Variants in TGM2 observed in about 807,000 individuals in gnomAD.
TGM2 encodes transglutaminase 2, also known as protein-glutamine gamma-glutamyltransferase 2.
Under a neutral mutation model 75.6 loss-of-function variants are expected in TGM2, and 53 were observed. The ratio of observed to expected loss-of-function variants is 0.70; its 90% CI spans 0.56 to 0.88. The LOEUF (loss-of-function observed/expected upper bound fraction) is 0.88, where lower values mean the gene tolerates loss of function less well. TGM2 is among the 40% of genes least tolerant of loss of function. The pLI, the probability that TGM2 is intolerant of heterozygous loss-of-function variation, is 0.00. For synonymous variants in TGM2, 374 were observed against 381.1 expected, an observed-to-expected ratio of 0.98 and a Z score of 0.22; for missense variants, 842 against 928.5, an observed-to-expected ratio of 0.91 and a Z score of 1.21.
chr20:38,151,711 G>A (rs2268909), intron 3 of TGM2, among the ~76,000 whole-genome samples: 36,332 of 152,110 alleles, frequency 0.24, 6,054 homozygotes, highest in African/African-American at 0.45. Context: ...AGTTACAGAG[G>A]GCTCCCTGGA....
intron 2 of TGM2, among the ~76,000 whole-genome samples, chr20:38,157,562 T>C (rs2075203324): frequency 1.3e-5 from 2 of 152,264 alleles, no homozygotes; most frequent in Admixed American, 6.5e-5. Flanking sequence ...ACTGGCTCTC[T>C]GAACTTCGAC....
At chr20:38,159,246 C>T (rs918370109) in intron 2 of TGM2, among the ~76,000 whole-genome samples, 5 of 152,062 alleles carry the variant, frequency 3.3e-5, no homozygotes, top group East Asian at 3.9e-4. Flanking sequence ...CCTCAGCGAA[C>T]GAACGCAGGA....
Position 38,138,345 on chromosome 20 carries a change from G to A in TGM2, c.1383C>T (p.His461=), listed in dbSNP as rs751144148. 1 of 1,614,176 alleles carries A rather than the reference G, an allele frequency of 6.2e-7. No homozygotes were observed. Among genetic ancestry groups the A allele is most frequent in the Non-Finnish European group, 8.5e-7 (1 of 1,180,032 alleles). Residue 461 remains histidine, a synonymous_variant, in exon 10 of 13, where the codon CAC becomes CAT. Transcript: ENST00000361475. ...CCTCCTTCTCGGCCAGTTTGTTCAG[G>A]TGGTTCGCCCTTGTGAAGGCCTCCC... ...EEREAFTRAN[H]LNKLAEKEET...
intron 6 of TGM2, 184 bp downstream of exon 6, chr20:38,146,533 C>T (rs2075046372): frequency 5.3e-6 from 4 of 754,420 alleles, no homozygotes; most frequent in Non-Finnish European, 9.2e-6. Context: ...ATCCTAACAA[C>T]CACTGGAGGG....
chr20:38,156,037 A>G lies in TGM2; in HGVS notation c.243T>C (p.Asp81=), dbSNP rs1177681373. 6 of 1,613,882 alleles carry G rather than the reference A, an allele frequency of 3.7e-6. No individual in the cohort carries two copies. The highest frequency in any genetic ancestry group is 1.1e-5 in the South Asian group (1 of 90,948). ...CTGTCCAGTCACCCTCCTCCACAGCATCTCTTAGTGGAAAACGGGCCTTGG... is the reference window on the plus strand; with the variant it reads ...CTGTCCAGTCACCCTCCTCCACAGCGTCTCTTAGTGGAAAACGGGCCTTGG... ...AGTKARFPLR[D]AVEEGDWTAT... Residue 81 remains aspartate (D), a synonymous_variant, in exon 3 of 13, where the codon GAT becomes GAC. Coordinates refer to ENST00000361475, the MANE Select transcript of TGM2 (RefSeq NM_004613.4).
intron 9 of TGM2, 100 bp from the exon 10 acceptor site, chr20:38,138,485 G>C: frequency 1.2e-6 from 2 of 1,600,068 alleles, no homozygotes; most frequent in South Asian, 2.2e-5. Context: ...TGATGACTCA[G>C]GGCAGCCATG....
At chr20:38,132,299 A>T (rs750225038) in intron 11 of TGM2, 41 bp downstream of exon 11, 2 of 1,612,066 alleles carry the variant, frequency 1.2e-6, no homozygotes, top group Admixed American at 3.3e-5. Context: ...CCCAGCGCTG[A>T]GCTGCCCTGG....
chr20:38,151,056 C>T lies in TGM2; in HGVS notation c.435G>A (p.Ala145=), dbSNP rs200446060. The T allele has an allele frequency of 7.3e-5, 117 of 1,612,758 alleles. 1 individual carries two copies. The Admixed American group carries it at 1.7e-3, about 24-fold the overall frequency. Residue 145 remains alanine (A), a splice_region_variant and synonymous_variant, in exon 4 of 13, where the codon GCG becomes GCA. Coordinates refer to ENST00000361475, the MANE Select transcript of TGM2 (RefSeq NM_004613.4). The part of the protein sequence containing the change: ...FILLFNAWCP[A]DAVYLDSEEE... Reference sequence around the variant, plus strand: ...CTTCCGAGTCCAGGTACACAGCATCCGCTGCAGGCAGGAAGAAAGGGACCT... The same window carrying T: ...CTTCCGAGTCCAGGTACACAGCATCTGCTGCAGGCAGGAAGAAAGGGACCT...
chr20:38,152,824 G>T (rs1045250910), intron 3 of TGM2, among the ~76,000 whole-genome samples: 6 of 152,192 alleles, frequency 3.9e-5, no homozygotes, highest in African/African-American at 1.4e-4. Context: ...TCACTGTGCC[G>T]CTTGGCTGAC....
upstream of TGM2, among the ~76,000 whole-genome samples, chr20:38,167,429 C>T (rs1391800832): frequency 2.0e-5 from 3 of 152,164 alleles, no homozygotes; most frequent in African/African-American, 4.8e-5. Context: ...CTCCATCCCT[C>T]GGGCTCAAGC....
At chr20:38,131,691 G>A (rs2122845816) in intron 11 of TGM2, among the ~76,000 whole-genome samples, 1 of 152,252 alleles carries the variant, frequency 6.6e-6, no homozygotes, top group South Asian at 2.1e-4. Context: ...ACTGCTCACT[G>A]CCGCTCCCTC....
intron 6 of TGM2, among the ~76,000 whole-genome samples, chr20:38,143,058 G>T (rs1008527949): frequency 5.9e-5 from 9 of 152,210 alleles, no homozygotes; most frequent in Non-Finnish European, 1.2e-4. Context: ...GCCAGTGAGG[G>T]ATCTGTCTTA....
rs1308390969 is a variant in TGM2, at chr20:38,165,061, G to A, written c.10+128C>T. 3 of 1,362,560 alleles carry A rather than the reference G, an allele frequency of 2.2e-6. No individual in the cohort carries two copies. The African/African-American group carries it at 4.3e-5, about 20-fold the overall frequency. The allele number at this position is 1,362,560 out of a possible 1,614,324, so 84.4% of individuals were successfully genotyped here. A position where few individuals can be genotyped will look rare whatever the true frequency, so the allele number is the denominator to read the frequency against. On this transcript the variant is annotated intron_variant, in intron 1 of 12. Coordinates refer to ENST00000361475, the MANE Select transcript of TGM2 (RefSeq NM_004613.4). ...CTGAGGCTCCAAGCAGCATTGAGAC[G>A]CCTCCTCACCCAGCCCGGTCTGCCT...
At chr20:38,138,533 A>ATG in intron 9 of TGM2, 148 bp from the exon 10 acceptor site, 1 of 1,455,392 alleles carries the variant, frequency 6.9e-7, no homozygotes, top group South Asian at 1.2e-5. Context: ...CCAGAAGGAC[A>ATG]CAGCATTTCA....
At chr20:38,145,814 G>A (rs954851761) in intron 6 of TGM2, 9 of 142,744 alleles carry the variant, frequency 6.3e-5, no homozygotes, top group Non-Finnish European at 4.5e-5. Flanking sequence ...CCGTTGCCCA[G>A]GCTGGAGTGC....
intron 8 of TGM2, among the ~76,000 whole-genome samples, chr20:38,140,436 C>G (rs1208669697): frequency 1.3e-5 from 2 of 152,192 alleles, no homozygotes; most frequent in East Asian, 3.8e-4. Flanking sequence ...CACGGATCCC[C>G]CCAAGGCACT....
At chr20:38,162,322 T>C (rs752539902) in intron 1 of TGM2, among the ~76,000 whole-genome samples, 7 of 152,248 alleles carry the variant, frequency 4.6e-5, no homozygotes, top group Non-Finnish European at 8.8e-5. Context: ...GAGGGTTCTT[T>C]TGGTTTAAGC....
At chr20:38,164,531 C>T (rs1256925684) in intron 1 of TGM2, among the ~76,000 whole-genome samples, 1 of 152,120 alleles carries the variant, frequency 6.6e-6, no homozygotes, top group East Asian at 1.9e-4. Flanking sequence ...AGCAGAGGAC[C>T]AGGGCACGGT....
chr20:38,149,699 A>AAACAAAAAAAAAAAAC (rs2075094421), intron 4 of TGM2, among the ~76,000 whole-genome samples: 1 of 150,938 alleles, frequency 6.6e-6, no homozygotes, highest in Non-Finnish European at 1.5e-5. Flanking sequence ...AAAAAAAAAA[A>AAACAAAAAAAAAAAAC]AACAGGACCC....
Sources: allele counts gnomAD v4.1 joint callset (sites outside exome capture counted in the v4.1 genomes callset), GRCh38; gene constraint gnomAD v4.1.1; transcripts MANE v1.5; gene names NCBI Gene and HGNC (gene_info 2026-07-23, HGNC 2026-07-21).